TMEM181: variants seen among roughly 807,000 people sequenced by gnomAD.
TMEM181 encodes the protein G protein-coupled receptor 178.
Under a neutral mutation model 71.9 loss-of-function variants are expected in TMEM181, and 39 were observed. The observed-to-expected ratio is 0.54, with a 90% CI of 0.42 to 0.71. TMEM181 has a LOEUF of 0.71. TMEM181 is among the 30% of genes least tolerant of loss of function. The pLI is 0.00. For missense variants in TMEM181, 595 were observed against 583.0 expected (o/e 1.02, Z -0.21); for synonymous variants, 245 against 228.8 (o/e 1.07, Z -0.64).
At chr6:158,576,972 G>T (rs368362267) in intron 2 of TMEM181, among the ~76,000 whole-genome samples, 7 of 148,656 alleles carry the variant, frequency 4.7e-5, no homozygotes, top group African/African-American at 1.7e-4. Context: ...TGAGGCAGGA[G>T]AATGGTGTGA....
At position 158,634,154 on chromosome 6, in the gene TMEM181, AG is replaced by A. The variant is rs1786811299; in HGVS notation, c.*2267del. ...ACTTTTTGTAACTAAGTGGGAAATA[AG>A]AAAAAAAGTTAGAAAGTACTTAAGG... On this transcript the variant is annotated 3_prime_UTR_variant, in exon 17 of 17. Coordinates refer to ENST00000684151, the MANE Select transcript of TMEM181 (RefSeq NM_001376852.1). 1.4e-5 allele frequency: 2 copies of A among 146,938 alleles called. No individual in the cohort carries two copies. The highest frequency in any genetic ancestry group is 4.2e-4 in the South Asian group (2 of 4,714). 9.1% of individuals were successfully genotyped at this position (146,938 alleles called of 1,614,324 possible).
At chr6:158,544,182 A>AGAGT (rs149735409) in intron 1 of TMEM181, among the ~76,000 whole-genome samples, 116 of 127,646 alleles carry the variant, frequency 9.1e-4, no homozygotes, top group East Asian at 2.3e-3. Flanking sequence ...AATTGGAGAG[A>AGAGT]GTGTGTGTGT....
At chr6:158,536,938 G>T in intron 1 of TMEM181, 8 of 1,167,280 alleles carry the variant, frequency 6.9e-6, no homozygotes, top group Non-Finnish European at 7.5e-6. Flanking sequence ...ACCCCGGCGC[G>T]CCCCGGCCTT....
rs34605570 is a variant in TMEM181 at position 158,544,182 on chromosome 6, A to AGTGTGTGTGTGTGT, written c.131+7340_131+7353dup. 4.6e-3 allele frequency among the ~76,000 whole-genome samples: 586 copies of AGTGTGTGTGTGTGT among 127,624 alleles called. 8 individuals are homozygous for AGTGTGTGTGTGTGT. The highest frequency in any genetic ancestry group is 0.017 in the African/African-American group (548 of 32,928). The allele number at this position is 127,624 out of a possible 152,430, so 83.7% of individuals were successfully genotyped here. A position where few individuals can be genotyped will look rare whatever the true frequency, so the allele number is the denominator to read the frequency against. ...GGTTTCTCAGGTGCAAATTGGAGAGAGTGTGTGTGTGTGTGTGTGTGTGTG... is the reference window on the plus strand; with the variant it reads ...GGTTTCTCAGGTGCAAATTGGAGAGAGTGTGTGTGTGTGTGTGTGTGTGTGTGTGTGTGTGTGTG... On this transcript the variant is annotated intron_variant, in intron 1 of 16. Transcript: ENST00000367090.
chr6:158,572,204 C>G (rs1782891618), intron 1 of TMEM181, among the ~76,000 whole-genome samples: 1 of 152,238 alleles, frequency 6.6e-6, no homozygotes, highest in Non-Finnish European at 1.5e-5. Context: ...ACTTCCTGCT[C>G]TGCAACTGCA....
chr6:158,584,052 G>T lies in TMEM181; in HGVS notation c.259+8G>T, dbSNP rs556558214. 1 of 1,584,934 alleles carries T rather than the reference G, an allele frequency of 6.3e-7. No homozygotes were observed. Among genetic ancestry groups the T allele is most frequent in the African/African-American group, 1.4e-5 (1 of 73,888 alleles). ...AGTTGGATCAATCAAAAGGTATGGA[G>T]CTTGACATTTTGGAATGATTTTTCA... On this transcript the variant is annotated splice_region_variant and intron_variant, in intron 4 of 16. Coordinates refer to ENST00000684151, the MANE Select transcript of TMEM181 (RefSeq NM_001376852.1).
intron 5 of TMEM181, among the ~76,000 whole-genome samples, chr6:158,587,804 GT>G (rs1349691933): frequency 6.6e-6 from 1 of 152,000 alleles, no homozygotes; most frequent in Non-Finnish European, 1.5e-5. Context: ...CGCTGGTGTA[GT>G]TTTTTTAAAC....
At chr6:158,546,675 C>T (rs1421807835) in intron 1 of TMEM181, among the ~76,000 whole-genome samples, 1 of 152,222 alleles carries the variant, frequency 6.6e-6, no homozygotes, top group Non-Finnish European at 1.5e-5. Context: ...AATACTGATG[C>T]CAGCCAGGCG....
chr6:158,604,290 T>C (rs977216565), intron 6 of TMEM181, among the ~76,000 whole-genome samples: 2 of 152,184 alleles, frequency 1.3e-5, no homozygotes, highest in African/African-American at 4.8e-5. Context: ...CTTCATTGCT[T>C]CCTCAGGTCC....
upstream of TMEM181, among the ~76,000 whole-genome samples, chr6:158,559,373 T>C (rs566924227): frequency 3.3e-5 from 5 of 152,320 alleles, no homozygotes; most frequent in South Asian, 6.2e-4. Flanking sequence ...TGAGGATACA[T>C]TGCAAAGGAA....
intron 2 of TMEM181, among the ~76,000 whole-genome samples, chr6:158,579,486 G>C (rs181239693): frequency 3.3e-3 from 494 of 151,772 alleles, no homozygotes; most frequent in African/African-American, 0.011. Flanking sequence ...CTTTGGGAGG[G>C]AGAGGTGTGT....
At chr6:158,537,928 C>CG (rs1013785757) in intron 1 of TMEM181, among the ~76,000 whole-genome samples, 1 of 152,006 alleles carries the variant, frequency 6.6e-6, no homozygotes, top group African/African-American at 2.4e-5. Context: ...GCAGCGGGAC[C>CG]GTGGTCATGG....
intron 1 of TMEM181, among the ~76,000 whole-genome samples, chr6:158,539,016 A>G (rs1386858896): frequency 6.6e-6 from 1 of 152,226 alleles, no homozygotes; most frequent in Non-Finnish European, 1.5e-5. Context: ...CTGGGACTGC[A>G]GTGTGAAGCC....
intron 13 of TMEM181, among the ~76,000 whole-genome samples, chr6:158,626,242 G>T (rs555072555): frequency 1.2e-4 from 18 of 152,326 alleles, no homozygotes; most frequent in Admixed American, 3.3e-4. Context: ...GGGCAGGCTC[G>T]GCCTGGCCTG....
At chr6:158,564,878 T>TA (rs1782396568) in intron 1 of TMEM181, among the ~76,000 whole-genome samples, 1 of 152,202 alleles carries the variant, frequency 6.6e-6, no homozygotes, top group African/African-American at 2.4e-5. Context: ...CTGGGAGATT[T>TA]AAAGTCCCCG....
intron 6 of TMEM181, among the ~76,000 whole-genome samples, chr6:158,603,782 G>A (rs1375934316): frequency 1.3e-5 from 2 of 151,858 alleles, no homozygotes; most frequent in Non-Finnish European, 2.9e-5. Context: ...GTTTTGATTC[G>A]TTGTTTTTTT....
At chr6:158,550,893 A>G (rs1368410415) in intron 1 of TMEM181, among the ~76,000 whole-genome samples, 7 of 23,634 alleles carry the variant, frequency 3.0e-4, no homozygotes, top group African/African-American at 7.3e-4. Flanking sequence ...CTGTCTCAGG[A>G]AAAAAAAAAA....
At chr6:158,560,492 C>T (rs1429391935) in intron 1 of TMEM181, among the ~76,000 whole-genome samples, 1 of 152,178 alleles carries the variant, frequency 6.6e-6, no homozygotes, top group African/African-American at 2.4e-5. Flanking sequence ...GTCGGGGTTC[C>T]GGGACGGGGC....
At chr6:158,607,972 C>T (rs1198997041) in intron 8 of TMEM181, among the ~76,000 whole-genome samples, 1 of 152,276 alleles carries the variant, frequency 6.6e-6, no homozygotes, top group African/African-American at 2.4e-5. Context: ...GCAGTCGGAA[C>T]TCCCAGGCTC....
Sources: gnomAD v4.1 joint callset for allele counts (sites outside exome capture counted in the v4.1 genomes callset) on GRCh38, gnomAD v4.1.1 for gene constraint, MANE v1.5 for transcripts, NCBI Gene and HGNC (gene_info 2026-07-23, HGNC 2026-07-21) for gene names.